Variants in GTF3C2 observed in about 807,000 individuals in gnomAD.
GTF3C2 encodes the protein general transcription factor IIIC subunit 2.
In GTF3C2, 17 loss-of-function variants were observed where a neutral mutation model predicts 117.4. The observed-to-expected ratio is 0.14, with a 90% confidence interval of 0.10 to 0.22. The LOEUF is 0.22. GTF3C2 is among the 10% of genes least tolerant of loss of function. The pLI, the probability that GTF3C2 is intolerant of heterozygous loss-of-function variation, is 1.00. For synonymous variants in GTF3C2, 437 were observed against 427.0 expected (o/e 1.02, Z -0.29); for missense variants, 888 against 1,143.6 (o/e 0.78, Z 3.22).
intron 9 of GTF3C2, 63 bp from the exon 10 acceptor site, chr2:27,335,769 G>C: frequency 2.5e-6 from 3 of 1,202,812 alleles, no homozygotes; most frequent in Non-Finnish European, 3.6e-6. Flanking sequence ...AACCTTTGAG[G>C]TTCTAGTCCC....
intron 1 of GTF3C2, among the ~76,000 whole-genome samples, chr2:27,353,987 T>C (rs1681233218): frequency 6.7e-6 from 1 of 148,532 alleles, no homozygotes; most frequent in Non-Finnish European, 1.5e-5. Flanking sequence ...ACTTCCAAAG[T>C]GCTAGGATTA....
chr2:27,348,069 G>C (rs562206917), intron 1 of GTF3C2, among the ~76,000 whole-genome samples: 2 of 152,184 alleles, frequency 1.3e-5, no homozygotes, highest in Non-Finnish European at 2.9e-5. Flanking sequence ...AAGAGTTTGA[G>C]ACCACCTGGC....
At chr2:27,326,241 C>T (rs1342627418) in exon 19 of GTF3C2, 1 of 474,126 alleles carries the variant, frequency 2.1e-6, no homozygotes, top group Non-Finnish European at 4.4e-6. Context: ...TTTCAGAAGG[C>T]AGTAATATTG....
chr2:27,352,460 AACCTTTC>A (rs1369033318), intron 1 of GTF3C2, among the ~76,000 whole-genome samples: 3 of 152,246 alleles, frequency 2.0e-5, no homozygotes, highest in African/African-American at 7.2e-5. Context: ...TCTAACACCA[AACCTTTC>A]ACTTGTGTTC....
chr2:27,326,641 C>CGACT, exon 19 of GTF3C2: 1 of 1,523,222 alleles, frequency 6.6e-7, no homozygotes, highest in Non-Finnish European at 9.1e-7. Context: ...TGTTCTTGAC[C>CGACT]GACTTCACTC....
At chr2:27,330,399 T>G (rs138905547) in intron 12 of GTF3C2, among the ~76,000 whole-genome samples, 1 of 150,354 alleles carries the variant, frequency 6.7e-6, no homozygotes, top group Non-Finnish European at 1.5e-5. Context: ...GAAGCAGAGG[T>G]TGCAGTAAGC....
intron 10 of GTF3C2, 136 bp downstream of exon 10, chr2:27,335,462 G>A (rs1222390408): frequency 2.8e-6 from 2 of 714,814 alleles, no homozygotes; most frequent in Non-Finnish European, 5.2e-6. Flanking sequence ...GAGTCACAAT[G>A]CAGGGTGTGT....
intron 1 of GTF3C2, among the ~76,000 whole-genome samples, chr2:27,345,685 G>A (rs1187151653): frequency 6.6e-6 from 1 of 151,796 alleles, no homozygotes; most frequent in Admixed American, 6.6e-5. Flanking sequence ...GACAATTAAG[G>A]AACATCCTAT....
chr2:27,333,996 G>C, exon 11 of GTF3C2: 3 of 1,608,232 alleles, frequency 1.9e-6, no homozygotes, highest in Non-Finnish European at 2.6e-6. Context: ...AGGCTTCACT[G>C]CATCTGTGAG....
chr2:27,336,674 C>T (rs752764539), intron 7 of GTF3C2: 2 of 438,062 alleles, frequency 4.6e-6, no homozygotes, highest in Non-Finnish European at 8.2e-6. Context: ...GTGGCATGAT[C>T]GACGGTTCAC....
At chr2:27,327,134 TG>T in intron 18 of GTF3C2, 42 bp downstream of exon 18, 2 of 1,083,050 alleles carry the variant, frequency 1.8e-6, no homozygotes, top group Non-Finnish European at 2.8e-6. Context: ...GGCCCAGAAC[TG>T]GGGGGAAATG....
chr2:27,326,762 G>C (rs781633359), exon 19 of GTF3C2: 1 of 1,614,068 alleles, frequency 6.2e-7, no homozygotes. Flanking sequence ...CATTGAAGTG[G>C]GCTCGGCTTT....
intron 18 of GTF3C2, 126 bp downstream of exon 18, chr2:27,327,051 C>T: frequency 1.2e-5 from 8 of 672,970 alleles, no homozygotes; most frequent in South Asian, 9.2e-5. Context: ...GAATGAGGTA[C>T]GTCTGTCATG....
Position 27,337,591 on chromosome 2 carries a change from A to G in GTF3C2, c.951-33T>C, listed in dbSNP as rs778818831. On this transcript the variant is annotated intron_variant, in intron 5 of 18. Coordinates refer to ENST00000264720, the Ensembl canonical transcript of GTF3C2. ...AACAGAAGAAGCATTAATGAAGGAGAGGGATTCTACAGCCGCACAGTCCAA... is the reference window on the plus strand; with the variant it reads ...AACAGAAGAAGCATTAATGAAGGAGGGGGATTCTACAGCCGCACAGTCCAA... 2.8e-6 allele frequency: 4 copies of G among 1,420,110 alleles called. No homozygotes were observed. The Admixed American group carries it at 5.0e-5, about 18-fold the overall frequency. 88.0% of individuals were successfully genotyped at this position (1,420,110 alleles called of 1,614,324 possible).
chr2:27,335,760 A>C (rs1572569397), intron 9 of GTF3C2, 54 bp from the exon 10 acceptor site: 1 of 1,270,580 alleles, frequency 7.9e-7, no homozygotes, highest in South Asian at 1.3e-5. Context: ...CTCACAGAAA[A>C]CCTTTGAGGT....
At chr2:27,337,170 C>A in intron 7 of GTF3C2, 74 bp downstream of exon 7, 1 of 855,350 alleles carries the variant, frequency 1.2e-6, no homozygotes, top group African/African-American at 1.7e-5. Context: ...ACTTATCTGT[C>A]ATCTCTTTCA....
Position 27,327,567 on chromosome 2 carries a change from G to A in GTF3C2, c.2410-283C>T, listed in dbSNP as rs553227315. On this transcript the variant is annotated intron_variant, in intron 17 of 18. Coordinates refer to ENST00000264720, the Ensembl canonical transcript of GTF3C2. Reference sequence around the variant, plus strand: ...TTGAACTCCTGACCTCAGGTGATCCGCCCACCTCAGCCTCCCAAAGTGCTA... The same window carrying A: ...TTGAACTCCTGACCTCAGGTGATCCACCCACCTCAGCCTCCCAAAGTGCTA... Among the ~76,000 whole-genome samples the A allele has an allele frequency of 7.4e-5, 11 of 149,330 alleles. No individual in the cohort carries two copies. The South Asian group carries it at 8.5e-4, about 11-fold the overall frequency.
intron 4 of GTF3C2, 79 bp from the exon 5 acceptor site, chr2:27,338,099 T>C (rs1680562805): frequency 1.2e-6 from 1 of 867,256 alleles, no homozygotes; most frequent in African/African-American, 1.6e-5. Context: ...TCTTTCCCAG[T>C]TTTTATCTTC....
intron 1 of GTF3C2, chr2:27,350,313 C>A: frequency 1.5e-6 from 1 of 647,620 alleles, no homozygotes; most frequent in Non-Finnish European, 1.9e-6. Context: ...CCCAGACCTA[C>A]CGAATCAGCA....
Sources: gnomAD v4.1 joint callset for allele counts (sites outside exome capture counted in the v4.1 genomes callset) on GRCh38, gnomAD v4.1.1 for gene constraint, MANE v1.5 for transcripts, NCBI Gene and HGNC (gene_info 2026-07-23, HGNC 2026-07-21) for gene names.